The following IL17B variants were observed in gnomAD, a reference collection of about 807,000 sequenced individuals.
IL17B encodes the protein interleukin-17B.
IL17B carries 14 observed loss-of-function variants against 14.7 expected under a neutral mutation model. The observed-to-expected ratio is 0.95, with a 90% CI of 0.63 to 1.49. The LOEUF (loss-of-function observed/expected upper bound fraction) is 1.49, where lower values mean the gene tolerates loss of function less well. Among genes scored for constraint, IL17B ranks in the 40% most tolerant of loss-of-function variants. IL17B has a pLI of 0.00. For missense variants in IL17B, 233 were observed against 252.8 expected, an observed-to-expected ratio of 0.92 and a Z score of 0.53; for synonymous variants, 105 against 94.8, an observed-to-expected ratio of 1.11 and a Z score of -0.62.
Position 149,401,938 on chromosome 5 carries a change from A to G in IL17B, n.95+2170T>C, listed in dbSNP as rs868275522. ...TTTCACACATCGAACGGTGCATTTT[A>G]CATGCACGGTCACATGTGTTACCCT... is the stretch of plus-strand genomic sequence containing the variant. On this transcript the variant is annotated intron_variant and non_coding_transcript_variant, in intron 1 of 2. Coordinates refer to the IL17B transcript ENST00000505432. 9.2e-5 allele frequency among the ~76,000 whole-genome samples: 14 copies of G among 152,290 alleles called. No individual in the cohort carries two copies. The Middle Eastern group carries it at 0.01, about 111-fold the overall frequency.
At chr5:149,383,808 C>A (rs962290776), upstream of IL17B, among the ~76,000 whole-genome samples, 1 of 152,210 alleles carries the variant, frequency 6.6e-6, no homozygotes, top group African/African-American at 2.4e-5. Flanking sequence ...CAGGTGCCAG[C>A]GTCTCCTCCC....
At chr5:149,379,009 G>T (rs557351562) in intron 1 of IL17B, among the ~76,000 whole-genome samples, 196 bp downstream of exon 1, 2 of 152,164 alleles carry the variant, frequency 1.3e-5, no homozygotes, top group African/African-American at 2.4e-5. Context: ...GCTGAGCCCC[G>T]TTCAGGAGCC....
chr5:149,397,484 A>G (rs1171771171), intron 1 of IL17B, among the ~76,000 whole-genome samples: 5 of 152,090 alleles, frequency 3.3e-5, no homozygotes, highest in Non-Finnish European at 4.4e-5. Flanking sequence ...TTAAACTTTT[A>G]TCTTTTACCT....
At chr5:149,379,382 T>A (rs1758628366), upstream of IL17B, 14 of 816,982 alleles carry the variant, frequency 1.7e-5, no homozygotes, top group Non-Finnish European at 2.7e-5. Flanking sequence ...CTGGGAGCCT[T>A]GGGCCCCCAG....
In IL17B at chr5:149,400,978, A is replaced by G. The variant is rs1009929331; in HGVS notation, n.95+3130T>C. Among the ~76,000 whole-genome samples, 17 of 152,204 alleles carry G rather than the reference A, an allele frequency of 1.1e-4. 1 individual carries two copies. The highest frequency in any genetic ancestry group is 3.9e-4 in the African/African-American group (16 of 41,454). ...TGCCCCTCTGCATTGGCAAAAAGCG[A>G]TCTGCATTGAAAAGCCAATCTCTTC... On this transcript the variant is annotated intron_variant and non_coding_transcript_variant, in intron 1 of 2. Coordinates refer to the IL17B transcript ENST00000505432.
At chr5:149,382,728 G>A (rs954044359), upstream of IL17B, among the ~76,000 whole-genome samples, 1 of 152,212 alleles carries the variant, frequency 6.6e-6, no homozygotes, top group Non-Finnish European at 1.5e-5. Context: ...CATTGAGCAC[G>A]GTCTGTGATG....
chr5:149,392,959 C>T (rs999778777), intron 1 of IL17B, among the ~76,000 whole-genome samples: 1 of 147,996 alleles, frequency 6.8e-6, no homozygotes, highest in South Asian at 2.1e-4. Context: ...TGCGTGTGTG[C>T]GTGTGTGTGC....
chr5:149,399,240 G>A (rs1759160602), intron 1 of IL17B, among the ~76,000 whole-genome samples: 2 of 152,182 alleles, frequency 1.3e-5, no homozygotes, highest in African/African-American at 4.8e-5. Context: ...GCTGTCAGGT[G>A]GGCAGAGAGT....
At chr5:149,392,985 T>TGCACGC (rs1359805771) in intron 1 of IL17B, among the ~76,000 whole-genome samples, 8 of 148,422 alleles carry the variant, frequency 5.4e-5, no homozygotes, top group Admixed American at 1.3e-4. Flanking sequence ...TGCGTGTGTG[T>TGCACGC]GTGCGTGTGT....
rs1286144450 is a variant in IL17B, at chr5:149,374,530, T to C, written c.382A>G (p.Asn128Asp). 8 of 1,613,158 alleles carry C rather than the reference T, an allele frequency of 5.0e-6. No homozygotes were observed. The highest frequency in any genetic ancestry group is 1.7e-5 in the Admixed American group (1 of 60,012). Residue 128 changes from asparagine to aspartate, a missense_variant, in exon 3 of 3, where the codon AAC becomes GAC. Asn to Asp is a conservative substitution (Grantham distance 23, BLOSUM62 1). Transcript: ENST00000261796. This position sits in a 1 kb window ranked among gnomAD's most constrained non-coding sequence, Gnocchi z 5.0. Reference protein sequence around the residue: ...EARCLCLGCVNPFTMQEDRSM... With the variant: ...EARCLCLGCVDPFTMQEDRSM... Reference sequence around the variant, plus strand: ...CGGTCCTCCTGCATGGTGAAGGGGTTCACACAGCCCAGACACAGGCACCGT... The same window carrying C: ...CGGTCCTCCTGCATGGTGAAGGGGTCCACACAGCCCAGACACAGGCACCGT...
chr5:149,390,467 C>G (rs181249318), intron 1 of IL17B, among the ~76,000 whole-genome samples: 2 of 151,468 alleles, frequency 1.3e-5, no homozygotes, highest in Non-Finnish European at 2.9e-5. Context: ...TGACACCCCC[C>G]TCCTCATTCA....
upstream of IL17B, among the ~76,000 whole-genome samples, chr5:149,381,459 G>A (rs1057078876): frequency 3.3e-5 from 5 of 152,360 alleles, no homozygotes; most frequent in Middle Eastern, 3.4e-3. Flanking sequence ...CACACAGTGC[G>A]TTTGTGCCAG....
intron 1 of IL17B, among the ~76,000 whole-genome samples, chr5:149,378,085 A>G (rs1561710972): frequency 6.6e-6 from 1 of 151,592 alleles, no homozygotes; most frequent in Non-Finnish European, 1.5e-5. Context: ...CGGAGCTTGC[A>G]GTGAGCCGAG....
intron 1 of IL17B, among the ~76,000 whole-genome samples, chr5:149,403,020 A>C (rs1186451669): frequency 6.6e-6 from 1 of 151,670 alleles, no homozygotes; most frequent in African/African-American, 2.4e-5. Flanking sequence ...AAAAAAAAAA[A>C]AAAAACTCAA....
At chr5:149,393,723 A>G (rs1759034641) in intron 1 of IL17B, among the ~76,000 whole-genome samples, 1 of 152,012 alleles carries the variant, frequency 6.6e-6, no homozygotes, top group Non-Finnish European at 1.5e-5. Context: ...ATCCTCAGAC[A>G]GACATAGATT....
At chr5:149,393,929 C>A (rs1469097627) in intron 1 of IL17B, among the ~76,000 whole-genome samples, 1 of 152,116 alleles carries the variant, frequency 6.6e-6, no homozygotes, top group Non-Finnish European at 1.5e-5. Context: ...GACACAACAC[C>A]AAATGCCATA....
intron 1 of IL17B, among the ~76,000 whole-genome samples, chr5:149,389,699 G>A (rs1312373851): frequency 1.3e-5 from 2 of 152,222 alleles, no homozygotes; most frequent in Non-Finnish European, 2.9e-5. Context: ...GTAAAGTTAA[G>A]AGTCCTATAA....
At chr5:149,390,227 T>TCCCCCCCCCCCCCCCCCC (rs1758912323) in intron 1 of IL17B, among the ~76,000 whole-genome samples, 1 of 133,562 alleles carries the variant, frequency 7.5e-6, no homozygotes, top group Non-Finnish European at 1.7e-5. Flanking sequence ...ACCCCCCCCC[T>TCCCCCCCCCCCCCCCCCC]CCCTGTCCCT....
upstream of IL17B, among the ~76,000 whole-genome samples, chr5:149,380,771 G>C (rs1306640405): frequency 3.3e-5 from 5 of 152,266 alleles, no homozygotes; most frequent in African/African-American, 1.2e-4. Flanking sequence ...CCGAGGGGAA[G>C]AAGGCAGGGT....
Sources: gnomAD v4.1 joint callset for allele counts (sites outside exome capture counted in the v4.1 genomes callset) on GRCh38, gnomAD v4.1.1 for gene constraint, Gnocchi (gnomAD v3.1) non-coding constraint, MANE v1.5 for transcripts, NCBI Gene and HGNC (gene_info 2026-07-23, HGNC 2026-07-21) for gene names.